Variants in RTTN observed in about 807,000 individuals in gnomAD.
The protein encoded by RTTN is rotatin.
RTTN carries 182 observed loss-of-function variants against 269.2 expected under a neutral mutation model. The ratio of observed to expected loss-of-function variants is 0.68; its 90% CI spans 0.60 to 0.76. The LOEUF is 0.76. Among genes scored for constraint, RTTN ranks in the 30% least tolerant of loss-of-function variants. The pLI is 0.00. For missense variants in RTTN, 2,545 were observed against 2,608.6 expected (o/e 0.98, Z 0.53); for synonymous variants, 1,006 against 963.5 (o/e 1.04, Z -0.82).
At chr18:70,177,886 A>G (rs980032140) in intron 10 of RTTN, among the ~76,000 whole-genome samples, 1 of 152,136 alleles carries the variant, frequency 6.6e-6, no homozygotes, top group African/African-American at 2.4e-5. Context: ...CAGTTCCTCA[A>G]AAAAACACAG....
At chr18:70,145,242 C>T (rs994113703) in intron 18 of RTTN, among the ~76,000 whole-genome samples, 4 of 152,190 alleles carry the variant, frequency 2.6e-5, no homozygotes, top group Non-Finnish European at 5.9e-5. Context: ...AAGTTCAGAG[C>T]TCCCACTGAT....
chr18:70,205,249 A>T lies in RTTN; in HGVS notation c.98T>A (p.Leu33Ter), dbSNP rs759125481. Residue 33 changes from leucine to a stop codon, truncating the protein, a stop_gained, in exon 2 of 49, where the codon TTA becomes TAA. Coordinates refer to ENST00000640769, the MANE Select transcript of RTTN (RefSeq NM_173630.4). LOFTEE classifies it high-confidence loss of function. ...KSILCKIEHNLICYADLIQER... is the reference protein window; with the variant it reads ...KSILCKIEHN ...CTGAATGAGATCAGCGTAGCAGATT[A>T]AGTTGTGCTCAATCTTGCAGAGAAT... is the stretch of plus-strand genomic sequence containing the variant. 2 of 1,614,202 alleles carry T rather than the reference A, an allele frequency of 1.2e-6. No homozygotes were observed. Among genetic ancestry groups the T allele is most frequent in the East Asian group, 4.5e-5 (2 of 44,886 alleles).
At chr18:70,060,131 GA>G in intron 35 of RTTN, 89 bp from the exon 36 acceptor site, 1 of 1,163,506 alleles carries the variant, frequency 8.6e-7, no homozygotes. Context: ...GAAAGTTCCT[GA>G]AAATGATAAT....
At chr18:70,037,696 A>G (rs1266420526) in intron 40 of RTTN, among the ~76,000 whole-genome samples, 1 of 152,136 alleles carries the variant, frequency 6.6e-6, no homozygotes, top group East Asian at 1.9e-4. Flanking sequence ...TGTGGTGGCT[A>G]CAACAAAAGA....
At chr18:70,126,533 C>T (rs766703585) in intron 25 of RTTN, among the ~76,000 whole-genome samples, 15 of 151,996 alleles carry the variant, frequency 9.9e-5, no homozygotes, top group Non-Finnish European at 2.1e-4. Context: ...GTAGTTATTT[C>T]CATAAAATAC....
At chr18:70,087,367 A>G (rs2058728492) in intron 31 of RTTN, among the ~76,000 whole-genome samples, 1 of 152,186 alleles carries the variant, frequency 6.6e-6, no homozygotes, top group African/African-American at 2.4e-5. Context: ...AAGCAGCCAT[A>G]AATATAAACA....
chr18:70,177,921 C>T (rs1305884826), intron 10 of RTTN, among the ~76,000 whole-genome samples: 2 of 152,156 alleles, frequency 1.3e-5, no homozygotes, highest in Admixed American at 1.3e-4. Flanking sequence ...CCAGCAAATT[C>T]CACTTCTGGG....
At chr18:70,157,404 C>T (rs1245175109) in intron 14 of RTTN, among the ~76,000 whole-genome samples, 1 of 152,154 alleles carries the variant, frequency 6.6e-6, no homozygotes, top group Non-Finnish European at 1.5e-5. Flanking sequence ...ATTGACTAAT[C>T]CCAACTTATA....
rs190124414 is a variant in RTTN at position 70,104,208 on chromosome 18, A to C, written c.3903+5290T>G. 3.0e-3 allele frequency among the ~76,000 whole-genome samples: 451 copies of C among 152,012 alleles called. 1 individual carries two copies. The highest frequency in any genetic ancestry group is 4.8e-3 in the Non-Finnish European group (325 of 67,962). On this transcript the variant is annotated intron_variant, in intron 28 of 48. Coordinates refer to ENST00000640769, the MANE Select transcript of RTTN (RefSeq NM_173630.4). ...GTTTCTTTTTATTCTTTTTTCTCTA[A>C]ACTTCTCTTCTCGCTTCATTTCATT...
chr18:70,075,416 T>C lies in RTTN; in HGVS notation c.4500A>G (p.Gly1500=), dbSNP rs1032155238. 1.4e-5 allele frequency: 22 copies of C among 1,607,488 alleles called. No individual in the cohort carries two copies. The highest frequency in any genetic ancestry group is 1.8e-5 in the Non-Finnish European group (21 of 1,177,374). The change falls in exon 33 of 49, where the codon GGA becomes GGG. Residue 1500 remains glycine, a synonymous_variant. Coordinates refer to ENST00000640769, the MANE Select transcript of RTTN (RefSeq NM_173630.4). The part of the protein sequence containing the change: ...LNQMVKHCYL[G]RCMFDLNFSA... ...AAAAATTCAAATCAAACATACACCGTCCTAGGTAACAATGCTTTACCATCT... is the reference window on the plus strand; with the variant it reads ...AAAAATTCAAATCAAACATACACCGCCCTAGGTAACAATGCTTTACCATCT...
At chr18:70,050,673 C>G (rs2057634939) in intron 39 of RTTN, among the ~76,000 whole-genome samples, 1 of 152,142 alleles carries the variant, frequency 6.6e-6, no homozygotes, top group Non-Finnish European at 1.5e-5. Flanking sequence ...GGAACCAACC[C>G]AATGCCCATC....
intron 18 of RTTN, among the ~76,000 whole-genome samples, chr18:70,144,525 G>T (rs2060338943): frequency 6.6e-6 from 1 of 152,114 alleles, no homozygotes; most frequent in Non-Finnish European, 1.5e-5. Context: ...TAACAAAGAT[G>T]AAGCTCCTTT....
chr18:70,068,996 T>A (rs1027183217), intron 34 of RTTN, among the ~76,000 whole-genome samples: 1 of 152,194 alleles, frequency 6.6e-6, no homozygotes, highest in Non-Finnish European at 1.5e-5. Flanking sequence ...GTGTAATGGA[T>A]GTTGCTAGGG....
At chr18:70,173,776 AT>A (rs1439590963) in intron 11 of RTTN, among the ~76,000 whole-genome samples, 1 of 152,222 alleles carries the variant, frequency 6.6e-6, no homozygotes, top group African/African-American at 2.4e-5. Context: ...CAGTAAGAAG[AT>A]TTTAAAGAAA....
chr18:70,191,319 C>T (rs1600025573), intron 8 of RTTN, among the ~76,000 whole-genome samples: 1 of 152,122 alleles, frequency 6.6e-6, no homozygotes, highest in East Asian at 1.9e-4. Context: ...ACTGATAACC[C>T]ATTCATTTCC....
At chr18:70,150,796 C>T (rs906779844) in intron 14 of RTTN, 63 bp from the exon 15 acceptor site, 1 of 1,337,182 alleles carries the variant, frequency 7.5e-7, no homozygotes, top group Non-Finnish European at 1.0e-6. Flanking sequence ...AAAGATCCAT[C>T]TTTCTTCTGT....
intron 46 of RTTN, among the ~76,000 whole-genome samples, chr18:70,017,126 G>A (rs2276372): frequency 6.6e-6 from 1 of 152,006 alleles, no homozygotes; most frequent in East Asian, 1.9e-4. Flanking sequence ...GAGAGGAGAG[G>A]GAGCAGAAGG....
chr18:70,154,626 C>T (rs925981502), intron 14 of RTTN, among the ~76,000 whole-genome samples: 2 of 152,180 alleles, frequency 1.3e-5, no homozygotes, highest in African/African-American at 2.4e-5. Flanking sequence ...AAATATGGTC[C>T]TTCTTTGACC....
At chr18:70,010,496 A>T (rs2056337205) in intron 46 of RTTN, among the ~76,000 whole-genome samples, 1 of 152,242 alleles carries the variant, frequency 6.6e-6, no homozygotes, top group Non-Finnish European at 1.5e-5. Flanking sequence ...TACTGAGTAA[A>T]TAACACAATT....
Sources: gnomAD v4.1 joint callset for allele counts (sites outside exome capture counted in the v4.1 genomes callset) on GRCh38, gnomAD v4.1.1 for gene constraint, MANE v1.5 for transcripts, NCBI Gene and HGNC (gene_info 2026-07-23, HGNC 2026-07-21) for gene names.